The following MYCBP2 variants were observed in gnomAD, a reference collection of about 807,000 sequenced individuals.
MYCBP2 encodes the protein E3 ubiquitin-protein ligase MYCBP2.
MYCBP2 carries 120 observed loss-of-function variants against 525.3 expected under a neutral mutation model. The ratio of observed to expected loss-of-function variants is 0.23; its 90% CI spans 0.20 to 0.27. The LOEUF (loss-of-function observed/expected upper bound fraction) is 0.27. Among genes scored for constraint, MYCBP2 ranks in the 10% least tolerant of loss-of-function variants. The probability of loss-of-function intolerance (pLI) is 1.00; values close to 1 mark genes in which losing one functional copy is unlikely to be tolerated. For missense variants in MYCBP2, 4,149 were observed against 5,657.1 expected, an observed-to-expected ratio of 0.73 and a Z score of 8.55; for synonymous variants, 1,894 against 1,955.8, an observed-to-expected ratio of 0.97 and a Z score of 0.83.
intron 11 of MYCBP2, 55 bp from the exon 12 acceptor site, chr13:77,261,430 G>A (rs979454821): frequency 1.6e-6 from 2 of 1,267,902 alleles, no homozygotes; most frequent in African/African-American, 1.5e-5. Context: ...AGTGCATCAG[G>A]TTTCACATGA....
chr13:77,073,824 T>C (rs1221966677), intron 68 of MYCBP2, among the ~76,000 whole-genome samples: 2 of 152,098 alleles, frequency 1.3e-5, no homozygotes, highest in East Asian at 1.9e-4. Context: ...TTTAATAAAA[T>C]ATGTACAAGA....
At chr13:77,078,427 G>A (rs1457210851) in intron 66 of MYCBP2, among the ~76,000 whole-genome samples, 1 of 152,200 alleles carries the variant, frequency 6.6e-6, no homozygotes, top group Non-Finnish European at 1.5e-5. Flanking sequence ...TATAGCTGCA[G>A]TGTTATAAGT....
intron 14 of MYCBP2, among the ~76,000 whole-genome samples, chr13:77,255,154 C>T (rs2071947179): frequency 6.6e-6 from 1 of 151,884 alleles, no homozygotes; most frequent in Non-Finnish European, 1.5e-5. Context: ...GCTCCATTTT[C>T]AGTTTTTTGA....
At chr13:77,309,797 A>G (rs908412422) in intron 1 of MYCBP2, among the ~76,000 whole-genome samples, 40 of 152,292 alleles carry the variant, frequency 2.6e-4, no homozygotes, top group Non-Finnish European at 1.9e-4. Context: ...TTGAAAGTTT[A>G]ACTCTACCAT....
intron 21 of MYCBP2, 94 bp downstream of exon 21, chr13:77,217,746 T>G (rs759733287): frequency 6.8e-5 from 43 of 636,168 alleles, no homozygotes; most frequent in Non-Finnish European, 1.1e-4. Flanking sequence ...ATAATTGTTA[T>G]ATTATATTCT....
intron 3 of MYCBP2, among the ~76,000 whole-genome samples, chr13:77,281,210 T>C (rs2076154464): frequency 6.6e-6 from 1 of 152,178 alleles, no homozygotes; most frequent in African/African-American, 2.4e-5. Flanking sequence ...GCCAATATAG[T>C]ATTATTTCAT....
At chr13:77,059,391 T>C in intron 77 of MYCBP2, 132 bp downstream of exon 77, 1 of 649,526 alleles carries the variant, frequency 1.5e-6, no homozygotes, top group Admixed American at 2.3e-5. Flanking sequence ...GTAAGGCATT[T>C]GATGCTTCAC....
intron 39 of MYCBP2, 61 bp downstream of exon 39, chr13:77,169,553 G>A (rs2058929026): frequency 2.1e-6 from 3 of 1,426,248 alleles, no homozygotes; most frequent in Admixed American, 3.5e-5. Flanking sequence ...AAGACACAAA[G>A]TCTTTTTTTA....
At chr13:77,263,269 T>C (rs1228425516) in intron 10 of MYCBP2, among the ~76,000 whole-genome samples, 1 of 152,050 alleles carries the variant, frequency 6.6e-6, no homozygotes, top group Non-Finnish European at 1.5e-5. Context: ...GAACTATGTA[T>C]ATTGTTGTAA....
At chr13:77,312,832 T>C (rs1396086314) in intron 1 of MYCBP2, among the ~76,000 whole-genome samples, 1 of 152,032 alleles carries the variant, frequency 6.6e-6, no homozygotes, top group Non-Finnish European at 1.5e-5. Context: ...TTTCTTTTTT[T>C]AAGGGCAAGG....
chr13:77,240,542 A>G (rs2068663888), intron 17 of MYCBP2, among the ~76,000 whole-genome samples: 1 of 152,118 alleles, frequency 6.6e-6, no homozygotes, highest in Non-Finnish European at 1.5e-5. Context: ...TGGGAGGGAG[A>G]GGTTGCAGTG....
chr13:77,069,661 C>A (rs544730990), intron 69 of MYCBP2, among the ~76,000 whole-genome samples: 1,492 of 146,406 alleles, frequency 0.01, 11 homozygotes, highest in Middle Eastern at 0.029. Context: ...TCGAGACCAT[C>A]CTGGCTAACA....
intron 4 of MYCBP2, among the ~76,000 whole-genome samples, chr13:77,277,281 A>G (rs1485717840): frequency 6.6e-6 from 1 of 152,228 alleles, no homozygotes; most frequent in Non-Finnish European, 1.5e-5. Context: ...CTTCAGTAAA[A>G]TGCTGTCAAG....
At position 77,326,603 on chromosome 13, in the gene MYCBP2, G is replaced by C. The variant is rs1407756151; in HGVS notation, c.173C>G (p.Ala58Gly). 6.3e-7 allele frequency: 1 copy of C among 1,582,094 alleles called. No individual in the cohort carries two copies. The highest frequency in any genetic ancestry group is 8.6e-7 in the Non-Finnish European group (1 of 1,166,494). Residue 58 changes from alanine (A) to glycine (G), a missense_variant, in exon 1 of 83, where the codon GCG becomes GGG. Ala to Gly is a moderately conservative substitution (Grantham distance 60). Around this residue, in one of 21 missense-constraint regions of MYCBP2, gnomAD observed 413 missense variants for 451.2 expected, o/e 0.92. Transcript: ENST00000544440. The surrounding 1 kb of genome is among the most constrained non-coding windows in gnomAD (Gnocchi z 4.2). ...CAGCTGGTAGTGACCCCGGGAGTCCGCGGCGGGTAGCCCCAGCCCCAGCCC... is the reference window on the plus strand; with the variant it reads ...CAGCTGGTAGTGACCCCGGGAGTCCCCGGCGGGTAGCCCCAGCCCCAGCCC... ...AAGLGLGLPA[A>G]DSRGHYQLLL...
chr13:77,125,879 T>C (rs377373008), intron 53 of MYCBP2, among the ~76,000 whole-genome samples: 1 of 152,180 alleles, frequency 6.6e-6, no homozygotes, highest in East Asian at 1.9e-4. Context: ...ATCTTCAAGC[T>C]TATCAGCTGA....
At chr13:77,089,794 G>T (rs1418161867) in intron 60 of MYCBP2, among the ~76,000 whole-genome samples, 2 of 151,972 alleles carry the variant, frequency 1.3e-5, no homozygotes, top group African/African-American at 2.4e-5. Flanking sequence ...GGAACTCCTG[G>T]TCCACAAAAG....
chr13:77,091,045 T>C (rs117406235), intron 59 of MYCBP2, among the ~76,000 whole-genome samples: 2,565 of 152,290 alleles, frequency 0.017, 42 homozygotes, highest in South Asian at 0.03. Flanking sequence ...TGAATTCAAA[T>C]TGGAATATTT....
intron 17 of MYCBP2, among the ~76,000 whole-genome samples, chr13:77,240,195 A>T (rs553098762): frequency 1.5e-3 from 235 of 152,330 alleles, no homozygotes; most frequent in African/African-American, 5.3e-3. Context: ...ATCAGAATAG[A>T]TTTTTAATTA....
chr13:77,140,277 C>T (rs1426487734), intron 50 of MYCBP2, 114 bp from the exon 51 acceptor site: 8 of 605,426 alleles, frequency 1.3e-5, no homozygotes, highest in African/African-American at 3.7e-5. Flanking sequence ...TAATAAGGTT[C>T]CAGAATTATT....
Sources: gnomAD v4.1 joint callset for allele counts (sites outside exome capture counted in the v4.1 genomes callset) on GRCh38, gnomAD v4.1.1 for gene constraint, gnomAD v4.1.1 regional missense constraint, Gnocchi (gnomAD v3.1) non-coding constraint, MANE v1.5 for transcripts, NCBI Gene and HGNC (gene_info 2026-07-23, HGNC 2026-07-21) for gene names.